The following RAB11FIP2 variants were observed in gnomAD, a reference collection of about 807,000 sequenced individuals.
RAB11FIP2 encodes the protein rab11 family-interacting protein 2.
RAB11FIP2 carries 16 observed loss-of-function variants against 40.9 expected under a neutral mutation model. That is an observed-to-expected ratio of 0.39 (90% CI 0.26 to 0.59). The LOEUF (loss-of-function observed/expected upper bound fraction) is 0.59, where lower values mean the gene tolerates loss of function less well. Ranked by LOEUF, RAB11FIP2 falls within the 20% of genes least tolerant of loss-of-function variation. The probability of loss-of-function intolerance (pLI) is 0.53; values close to 1 mark genes in which losing one functional copy is unlikely to be tolerated. For missense variants in RAB11FIP2, 532 were observed against 606.2 expected (o/e 0.88, Z 1.28); for synonymous variants, 228 against 213.7 (o/e 1.07, Z -0.58).
intron 3 of RAB11FIP2, among the ~76,000 whole-genome samples, chr10:118,035,664 G>A (rs975196347): frequency 3.9e-5 from 6 of 152,046 alleles, no homozygotes; most frequent in African/African-American, 1.4e-4. Flanking sequence ...GAGACTAAGG[G>A]CAAAAAGAGG....
At chr10:118,034,918 C>T (rs543406616) in intron 3 of RAB11FIP2, among the ~76,000 whole-genome samples, 1 of 152,254 alleles carries the variant, frequency 6.6e-6, no homozygotes, top group Non-Finnish European at 1.5e-5. Flanking sequence ...GCTCACTAAA[C>T]CCAATTCAGC....
chr10:118,031,155 C>T (rs930941017), intron 3 of RAB11FIP2, among the ~76,000 whole-genome samples: 4 of 151,918 alleles, frequency 2.6e-5, no homozygotes, highest in Admixed American at 6.6e-5. Context: ...TAACACTAGA[C>T]AAATATGAGC....
chr10:118,043,369 T>C (rs565685154), intron 1 of RAB11FIP2: 6 of 152,142 alleles, frequency 3.9e-5, no homozygotes, highest in African/African-American at 9.6e-5. Flanking sequence ...TCAATGGATA[T>C]TACACAACAG....
At chr10:118,045,037 A>G (rs901326606) in intron 1 of RAB11FIP2, among the ~76,000 whole-genome samples, 2 of 152,146 alleles carry the variant, frequency 1.3e-5, no homozygotes. Context: ...AATGTATCTA[A>G]CTCAAGCTCA....
At chr10:118,021,309 T>C (rs1022246470) in intron 3 of RAB11FIP2, among the ~76,000 whole-genome samples, 9 of 152,238 alleles carry the variant, frequency 5.9e-5, no homozygotes, top group African/African-American at 1.9e-4. Context: ...TTTCACAAAC[T>C]GAATTTCTCT....
Position 118,046,693 on chromosome 10 carries a change from A to G in RAB11FIP2, c.-530T>C, listed in dbSNP as rs999755253. The G allele has an allele frequency of 7.1e-4, 108 of 152,318 alleles. No homozygotes were observed. Among genetic ancestry groups the G allele is most frequent in the African/African-American group, 2.5e-3 (102 of 41,416 alleles). The allele number at this position is 152,318 out of a possible 1,614,324, so 9.4% of individuals were successfully genotyped here. On this transcript the variant is annotated 5_prime_UTR_variant, in exon 1 of 5. Coordinates refer to ENST00000355624, the MANE Select transcript of RAB11FIP2 (RefSeq NM_014904.3). ...CTAACGCGGCCTCGCTCCCTCTCGC[A>G]AACCTCTCCCTCCTCCTCCTCCCCC...
intron 3 of RAB11FIP2, among the ~76,000 whole-genome samples, chr10:118,023,197 G>A (rs933691063): frequency 2.0e-5 from 3 of 152,110 alleles, no homozygotes; most frequent in Non-Finnish European, 4.4e-5. Flanking sequence ...TCCTGAAAAC[G>A]TTTATTCCAC....
Position 118,009,090 on chromosome 10 carries a change from T to TGTCGATGTA in RAB11FIP2, c.1438_1446dup (p.Tyr480_Asp482dup). 6.2e-7 allele frequency: 1 copy of TGTCGATGTA among 1,613,646 alleles called. No individual in the cohort carries two copies. The highest frequency in any genetic ancestry group is 8.5e-7 in the Non-Finnish European group (1 of 1,179,620). ...TCTTCCATTACCCTTACAAGGAGGTTGTCGATGTAGTCCTCGAGTTCCCGG... is the reference window on the plus strand; with the variant it reads ...TCTTCCATTACCCTTACAAGGAGGTTGTCGATGTAGTCGATGTAGTCCTCGAGTTCCCGG... On this transcript the variant is annotated inframe_insertion, in exon 5 of 5. Transcript: ENST00000355624.
chr10:118,038,903 A>C, intron 3 of RAB11FIP2, 69 bp downstream of exon 3: 1 of 1,017,930 alleles, frequency 9.8e-7, no homozygotes, highest in Non-Finnish European at 1.4e-6. Flanking sequence ...TAGCATTTAA[A>C]AGAAATATTT....
intron 1 of RAB11FIP2, among the ~76,000 whole-genome samples, chr10:118,040,882 T>C (rs1846549945): frequency 1.3e-5 from 2 of 152,162 alleles, no homozygotes; most frequent in African/African-American, 2.4e-5. Flanking sequence ...GCTAGAAGTT[T>C]TCCATATGGG....
chr10:118,043,112 T>C (rs1846582422), intron 1 of RAB11FIP2, among the ~76,000 whole-genome samples: 1 of 152,090 alleles, frequency 6.6e-6, no homozygotes, highest in Non-Finnish European at 1.5e-5. Context: ...TGGGCACAGG[T>C]CCATGTTCAA....
At chr10:118,018,360 G>C (rs1217583152) in intron 3 of RAB11FIP2, 1 of 152,208 alleles carries the variant, frequency 6.6e-6, no homozygotes, top group Non-Finnish European at 1.5e-5. Flanking sequence ...TGTCAGACAA[G>C]ATATCGAATA....
intron 1 of RAB11FIP2, among the ~76,000 whole-genome samples, chr10:118,044,689 C>A (rs1295938992): frequency 6.6e-6 from 1 of 152,020 alleles, no homozygotes; most frequent in East Asian, 1.9e-4. Context: ...AAACTCCAAT[C>A]AAGAGAAGCC....
chr10:118,045,666 A>T (rs1846619185), intron 1 of RAB11FIP2, 145 bp downstream of exon 1: 3 of 622,966 alleles, frequency 4.8e-6, no homozygotes, highest in Admixed American at 6.6e-5. Context: ...CTTTTACTTC[A>T]GATTCATGCA....
intron 3 of RAB11FIP2, among the ~76,000 whole-genome samples, chr10:118,025,821 C>T (rs995950388): frequency 3.9e-5 from 6 of 152,146 alleles, no homozygotes; most frequent in Non-Finnish European, 7.4e-5. Flanking sequence ...ATCCATCCTT[C>T]GAGACTTTTA....
chr10:118,012,931 T>C (rs140847203), intron 4 of RAB11FIP2, among the ~76,000 whole-genome samples: 15 of 152,214 alleles, frequency 9.9e-5, no homozygotes, highest in African/African-American at 2.2e-4. Context: ...TATGCAGACA[T>C]AGAAGATGTG....
chr10:118,037,337 T>C (rs185485256), intron 3 of RAB11FIP2, among the ~76,000 whole-genome samples: 23 of 152,124 alleles, frequency 1.5e-4, no homozygotes, highest in Admixed American at 1.4e-3. Flanking sequence ...TATCCATTTA[T>C]AGGTAAAAGA....
intron 3 of RAB11FIP2, among the ~76,000 whole-genome samples, chr10:118,027,418 A>C (rs1846356871): frequency 2.0e-5 from 3 of 152,200 alleles, no homozygotes; most frequent in South Asian, 4.1e-4. Flanking sequence ...TCAAATATTA[A>C]ATTATGTTCA....
Position 118,025,797 on chromosome 10 carries a change from C to T in RAB11FIP2, c.1266-10687G>A, listed in dbSNP as rs17097269. The stretch of plus-strand genomic sequence containing the variant: ...TACCTTTTCTCATTTATCTTTACCT[C>T]TCTGTCTTCACAGATCCATCCTTCG... On this transcript the variant is annotated intron_variant, in intron 3 of 4. Transcript: ENST00000355624. Among the ~76,000 whole-genome samples the T allele has an allele frequency of 7.6e-3, 1,156 of 152,286 alleles. 14 individuals carry two copies. The highest frequency in any genetic ancestry group is 0.027 in the African/African-American group (1,108 of 41,558).
Sources: allele counts gnomAD v4.1 joint callset (sites outside exome capture counted in the v4.1 genomes callset), GRCh38; gene constraint gnomAD v4.1.1; transcripts MANE v1.5; gene names NCBI Gene and HGNC (gene_info 2026-07-23, HGNC 2026-07-21).